Variants in DLGAP2 observed in about 807,000 individuals in gnomAD.
DLGAP2 encodes the protein DLG associated protein 2.
DLGAP2 carries 26 observed loss-of-function variants against 100.3 expected under a neutral mutation model. The ratio of observed to expected loss-of-function variants is 0.26; its 90% confidence interval spans 0.19 to 0.36. DLGAP2 has a LOEUF of 0.36. Among genes scored for constraint, DLGAP2 ranks in the 10% least tolerant of loss-of-function variants. The pLI is 1.00. For missense variants in DLGAP2, 1,858 were observed against 1,453.2 expected (o/e 1.28, Z -4.53); for synonymous variants, 886 against 630.1 (o/e 1.41, Z -6.08).
chr8:1,454,687 C>G (rs1178744749), intron 3 of DLGAP2, among the ~76,000 whole-genome samples: 2 of 152,166 alleles, frequency 1.3e-5, no homozygotes, highest in African/African-American at 2.4e-5. Context: ...CACTTTTTCT[C>G]TAAGGGAGTT....
At chr8:1,383,716 CT>C (rs1796146714) in intron 3 of DLGAP2, among the ~76,000 whole-genome samples, 1 of 152,190 alleles carries the variant, frequency 6.6e-6, no homozygotes. Context: ...TCAGTGAAAA[CT>C]TTGCAGTATT....
chr8:1,450,768 G>A (rs999151603), intron 3 of DLGAP2, among the ~76,000 whole-genome samples: 13 of 152,082 alleles, frequency 8.5e-5, no homozygotes, highest in Admixed American at 1.3e-4. Context: ...ATGTCTCTGC[G>A]CTCAACGTTC....
chr8:830,035 C>T (rs1223663633), intron 1 of DLGAP2, among the ~76,000 whole-genome samples: 2 of 152,130 alleles, frequency 1.3e-5, no homozygotes, highest in Non-Finnish European at 2.9e-5. Flanking sequence ...TAAAATATTT[C>T]AAAAGATGTG....
chr8:1,674,218 C>CT (rs1479284611), intron 10 of DLGAP2, among the ~76,000 whole-genome samples: 1 of 151,980 alleles, frequency 6.6e-6, no homozygotes, highest in Non-Finnish European at 1.5e-5. Context: ...CAGCTAATTT[C>CT]TTTTTTTGTA....
At chr8:1,354,330 A>ACC (rs1801800141) in intron 3 of DLGAP2, among the ~76,000 whole-genome samples, 1 of 152,048 alleles carries the variant, frequency 6.6e-6, no homozygotes, top group Non-Finnish European at 1.5e-5. Context: ...ACATGGCAAA[A>ACC]CCCCATCTCT....
chr8:1,660,632 G>C (rs1355621718), intron 8 of DLGAP2, among the ~76,000 whole-genome samples: 2 of 152,160 alleles, frequency 1.3e-5, no homozygotes, highest in Non-Finnish European at 2.9e-5. Flanking sequence ...CTACAGGTCA[G>C]TTATTTCTAT....
At chr8:800,826 A>G (rs1255401301) in intron 1 of DLGAP2, among the ~76,000 whole-genome samples, 4 of 152,078 alleles carry the variant, frequency 2.6e-5, no homozygotes, top group Non-Finnish European at 4.4e-5. Flanking sequence ...ATTTGCTGAG[A>G]AGAGGTTGCT....
chr8:1,564,768 C>G (rs1802329805), intron 5 of DLGAP2, among the ~76,000 whole-genome samples: 1 of 152,102 alleles, frequency 6.6e-6, no homozygotes. Context: ...AGTTGCTCAG[C>G]TCTGTACCAG....
At chr8:1,325,787 T>G (rs1034958936) in intron 3 of DLGAP2, among the ~76,000 whole-genome samples, 4 of 152,216 alleles carry the variant, frequency 2.6e-5, no homozygotes, top group East Asian at 3.8e-4. Flanking sequence ...AAATGTTAAT[T>G]TACTGTATCA....
At position 1,668,486 on chromosome 8, in the gene DLGAP2, C is replaced by T. The variant is rs771329029; in HGVS notation, c.1968C>T (p.Asp656=). 3.8e-6 allele frequency: 6 copies of T among 1,593,148 alleles called. No homozygotes were observed. Among genetic ancestry groups the T allele is most frequent in the East Asian group, 2.3e-5 (1 of 43,488 alleles). ...AGAGGATGTCCCCGTGGCCCCAGGACAGCCGCGGCCTCTACAACTCCACGG... is the reference window on the plus strand; with the variant it reads ...AGAGGATGTCCCCGTGGCCCCAGGATAGCCGCGGCCTCTACAACTCCACGG... ...RAQRMSPWPQ[D]SRGLYNSTDS... The change falls in exon 9 of 15, where the codon GAC becomes GAT. Residue 656 remains aspartate (D), a synonymous_variant. Transcript: ENST00000637795.
intron 4 of DLGAP2, among the ~76,000 whole-genome samples, chr8:1,538,011 G>A (rs1053039553): frequency 1.3e-5 from 2 of 152,110 alleles, no homozygotes; most frequent in Non-Finnish European, 1.5e-5. Context: ...GCTGTCCATG[G>A]TAAGGGCAGC....
intron 2 of DLGAP2, among the ~76,000 whole-genome samples, chr8:971,128 T>A (rs1221567741): frequency 6.6e-6 from 1 of 152,158 alleles, no homozygotes; most frequent in Non-Finnish European, 1.5e-5. Context: ...ATGAGTAATT[T>A]TTGTGGTTTC....
intron 1 of DLGAP2, among the ~76,000 whole-genome samples, chr8:774,969 TC>T (rs1243156943): frequency 1.3e-5 from 2 of 151,588 alleles, no homozygotes; most frequent in Admixed American, 1.3e-4. Flanking sequence ...TATTGATTCT[TC>T]CTACCCATGA....
chr8:1,081,161 G>A (rs1803795374), intron 2 of DLGAP2, among the ~76,000 whole-genome samples: 2 of 151,986 alleles, frequency 1.3e-5, no homozygotes, highest in Admixed American at 1.3e-4. Flanking sequence ...TCTCGTTTCT[G>A]AAATAATAAT....
At chr8:1,291,316 G>C (rs937984886) in intron 3 of DLGAP2, among the ~76,000 whole-genome samples, 3 of 152,092 alleles carry the variant, frequency 2.0e-5, no homozygotes, top group Non-Finnish European at 4.4e-5. Context: ...CAAGATAAAG[G>C]GATGGGAAAA....
chr8:798,334 C>G (rs1304148619), intron 1 of DLGAP2, among the ~76,000 whole-genome samples: 1 of 147,730 alleles, frequency 6.8e-6, no homozygotes, highest in African/African-American at 2.5e-5. Flanking sequence ...GCACTGAAAG[C>G]AAACGCTTGT....
chr8:1,123,838 C>A (rs944960885), intron 2 of DLGAP2, among the ~76,000 whole-genome samples: 1 of 152,084 alleles, frequency 6.6e-6, no homozygotes, highest in Non-Finnish European at 1.5e-5. Context: ...TTAACCTCAC[C>A]TTTTCCTCAG....
chr8:1,587,204 A>G (rs1023566449), intron 6 of DLGAP2, among the ~76,000 whole-genome samples: 3 of 152,196 alleles, frequency 2.0e-5, no homozygotes, highest in African/African-American at 4.8e-5. Context: ...GCAGAAATCC[A>G]TTGCCCGTTC....
chr8:975,892 A>C (rs1230093125), intron 2 of DLGAP2, among the ~76,000 whole-genome samples: 1 of 151,628 alleles, frequency 6.6e-6, no homozygotes, highest in Non-Finnish European at 1.5e-5. Flanking sequence ...AGCTGTACAG[A>C]CCAAGACGGG....
Sources: allele counts gnomAD v4.1 joint callset (sites outside exome capture counted in the v4.1 genomes callset), GRCh38; gene constraint gnomAD v4.1.1; transcripts MANE v1.5; gene names NCBI Gene and HGNC (gene_info 2026-07-23, HGNC 2026-07-21).